ARHGEF33: variants seen among roughly 807,000 people sequenced by gnomAD.
ARHGEF33 encodes the protein Rho guanine nucleotide exchange factor 33.
A neutral mutation model predicts 101.9 loss-of-function variants in ARHGEF33; 72 were observed. The observed-to-expected ratio is 0.71, with a 90% CI of 0.58 to 0.86. The LOEUF (loss-of-function observed/expected upper bound fraction) is 0.86. Among genes scored for constraint, ARHGEF33 ranks in the 40% least tolerant of loss-of-function variants. The pLI is 0.00. For missense variants in ARHGEF33, 1,169 were observed against 1,111.3 expected (o/e 1.05, Z -0.74); for synonymous variants, 499 against 442.5 (o/e 1.13, Z -1.60).
intron 1 of ARHGEF33, 30 bp downstream of exon 1, chr2:38,890,016 G>C (rs1316738619): frequency 2.4e-6 from 1 of 423,506 alleles, no homozygotes; most frequent in Non-Finnish European, 4.9e-6. Context: ...TGCTTTAAGG[G>C]GCACTGAAAG....
Position 38,973,744 on chromosome 2 carries a change from T to A in ARHGEF33, c.2514T>A (p.Thr838=), listed in dbSNP as rs1194410086. ...GTGGATCAGAATACAGGGAAAAAAC[T>A]AATGAGAATCCCTCAATGGATCCTT... The part of the protein sequence containing the change: ...KSSGSEYREK[T]NENPSMDPSP... The change falls in exon 18 of 18, where the codon ACT becomes ACA. Residue 838 remains threonine (T), a synonymous_variant. Transcript: ENST00000409978. 6.5e-7 allele frequency: 1 copy of A among 1,544,480 alleles called. No homozygotes were observed. The highest frequency in any genetic ancestry group is 8.7e-7 in the Non-Finnish European group (1 of 1,144,040).
intron 2 of ARHGEF33, among the ~76,000 whole-genome samples, chr2:38,904,639 A>G (rs11124654): frequency 0.61 from 91,340 of 150,326 alleles, 29,633 homozygotes; most frequent in East Asian, 0.81. Context: ...CCTGGGAGGC[A>G]GAGGTGAGCA....
At chr2:38,952,484 CA>C (rs1558440693) in intron 11 of ARHGEF33, among the ~76,000 whole-genome samples, 1 of 152,112 alleles carries the variant, frequency 6.6e-6, no homozygotes, top group African/African-American at 2.4e-5. Context: ...CAGAGTCCCT[CA>C]TCTGGACGTA....
chr2:38,936,030 G>A (rs1381718480), intron 8 of ARHGEF33, among the ~76,000 whole-genome samples, 196 bp downstream of exon 8: 1 of 152,166 alleles, frequency 6.6e-6, no homozygotes, highest in Non-Finnish European at 1.5e-5. Context: ...GAGAGAGAAG[G>A]GCTAGGGAAG....
intron 13 of ARHGEF33, among the ~76,000 whole-genome samples, chr2:38,956,539 ACGTT>A (rs1335152814): frequency 3.3e-5 from 5 of 152,186 alleles, no homozygotes; most frequent in Admixed American, 6.5e-5. Flanking sequence ...TTGATGCCTG[ACGTT>A]CTCATCATTG....
In ARHGEF33 at chr2:38,931,266, T is replaced by A. The variant is rs182836957; in HGVS notation, c.505+15T>A. 1 of 1,537,154 alleles carries A rather than the reference T, an allele frequency of 6.5e-7. No homozygotes were observed. The highest frequency in any genetic ancestry group is 1.4e-5 in the African/African-American group (1 of 72,222). On this transcript the variant is annotated intron_variant, in intron 7 of 17. Transcript: ENST00000409978. ...CTACGAGAAAGGTACAGTTCACAAA[T>A]CATACTGAATTAATCAAGTATTTTT...
At position 38,957,032 on chromosome 2, in the gene ARHGEF33, G is replaced by A. The variant is rs546924585; in HGVS notation, c.1355G>A (p.Arg452Gln). The change falls in exon 14 of 18, where the codon CGG becomes CAG. Residue 452 changes from arginine (R) to glutamine (Q), a missense_variant. Arg to Gln is a conservative substitution (Grantham distance 43). Coordinates refer to ENST00000409978, the MANE Select transcript of ARHGEF33 (RefSeq NM_001145451.5). ...AATGAAGATTTGCTTATTCAGAAACGGAAAAAGCTCAAGAAGTAAGGTTCT... is the reference window on the plus strand; with the variant it reads ...AATGAAGATTTGCTTATTCAGAAACAGAAAAAGCTCAAGAAGTAAGGTTCT... The part of the protein sequence containing the change: ...QCNEDLLIQK[R>Q]KKLKKSSMAK... The A allele has an allele frequency of 8.4e-6, 13 of 1,551,822 alleles. No homozygotes were observed. The highest frequency in any genetic ancestry group is 3.3e-4 in the Middle Eastern group (2 of 5,992).
At position 38,960,552 on chromosome 2, in the gene ARHGEF33, G is replaced by GGCC. The variant is rs746974243; in HGVS notation, c.2258_2260dup (p.Ala753dup). ...AGCGCGCCGCGCAGGCGCACGGCCCGGCCGCCGCCGCCGTCGCCGCCCGCG... is the reference window on the plus strand; with the variant it reads ...AGCGCGCCGCGCAGGCGCACGGCCCGGCCGCCGCCGCCGCCGTCGCCGCCCGCG... On this transcript the variant is annotated inframe_insertion, in exon 16 of 18. Coordinates refer to ENST00000409978, the MANE Select transcript of ARHGEF33 (RefSeq NM_001145451.5). 107 of 1,273,056 alleles carry GGCC rather than the reference G, an allele frequency of 8.4e-5. No homozygotes were observed. Among genetic ancestry groups the GGCC allele is most frequent in the Admixed American group, 2.2e-4 (6 of 27,624 alleles). 78.9% of individuals were successfully genotyped at this position (1,273,056 alleles called of 1,614,324 possible). A position where few individuals can be genotyped will look rare whatever the true frequency, so the allele number is the denominator to read the frequency against.
At position 38,928,800 on chromosome 2, in the gene ARHGEF33, A is replaced by G. The variant is rs529521192; in HGVS notation, c.76-107A>G. On this transcript the variant is annotated intron_variant, in intron 4 of 17. Coordinates refer to ENST00000409978, the MANE Select transcript of ARHGEF33 (RefSeq NM_001145451.5). ...AAGTACACTAGTAAATGAGGTCTGTAGATTTTCAGGAGGCTTGTTTCTCAA... is the reference window on the plus strand; with the variant it reads ...AAGTACACTAGTAAATGAGGTCTGTGGATTTTCAGGAGGCTTGTTTCTCAA... 1.0e-4 allele frequency: 110 copies of G among 1,059,508 alleles called. No homozygotes were observed. In the East Asian group the frequency reaches 2.9e-3, roughly 28 times the overall value. 65.6% of individuals were successfully genotyped at this position (1,059,508 alleles called of 1,614,324 possible).
At chr2:38,901,542 A>C (rs971410450) in intron 2 of ARHGEF33, among the ~76,000 whole-genome samples, 1 of 152,178 alleles carries the variant, frequency 6.6e-6, no homozygotes, top group African/African-American at 2.4e-5. Flanking sequence ...GAAGACCTTT[A>C]CATCTGGACT....
chr2:38,956,963 G>A lies in ARHGEF33; in HGVS notation c.1286G>A (p.Arg429His), dbSNP rs1667783854. Residue 429 changes from arginine (R) to histidine (H), a missense_variant, in exon 14 of 18, where the codon CGC (arginine) becomes CAC (histidine). Transcript: ENST00000409978. ...TATCTACTACTGGTGTGTGTCCAGCGCCTCCGAGTATTTATCTCACACTAC... is the reference window on the plus strand; with the variant it reads ...TATCTACTACTGGTGTGTGTCCAGCACCTCCGAGTATTTATCTCACACTAC... Reference protein sequence around the residue: ...DYYLLLVCVQRLRVFISHYTL... With the variant: ...DYYLLLVCVQHLRVFISHYTL... The A allele has an allele frequency of 3.2e-6, 5 of 1,552,276 alleles. No individual in the cohort carries two copies. The highest frequency in any genetic ancestry group is 2.4e-5 in the East Asian group (1 of 40,922).
chr2:38,894,117 G>A (rs983044178), intron 1 of ARHGEF33, among the ~76,000 whole-genome samples: 8 of 152,068 alleles, frequency 5.3e-5, no homozygotes, highest in African/African-American at 1.9e-4. Flanking sequence ...CCAGGAATTC[G>A]AGACCAGCTT....
intron 16 of ARHGEF33, among the ~76,000 whole-genome samples, chr2:38,961,810 G>C (rs1312507784): frequency 1.3e-5 from 2 of 151,922 alleles, no homozygotes; most frequent in African/African-American, 4.8e-5. Context: ...GGTGGTCAGA[G>C]AAGGCCTCCT....
At position 38,931,601 on chromosome 2, in the gene ARHGEF33, A is replaced by G. The variant is rs1667005664; in HGVS notation, c.505+350A>G. On this transcript the variant is annotated intron_variant, in intron 7 of 17. Coordinates refer to ENST00000409978, the MANE Select transcript of ARHGEF33 (RefSeq NM_001145451.5). ...TAACAAGTCATTTTATTGGCAGTCT[A>G]ACTCAGCACCTGTCTTTCTCTGGAA... 2.0e-5 allele frequency among the ~76,000 whole-genome samples: 3 copies of G among 152,220 alleles called. No individual in the cohort carries two copies. In the South Asian group the frequency reaches 6.2e-4, roughly 32 times the overall value.
intron 9 of ARHGEF33, among the ~76,000 whole-genome samples, chr2:38,940,322 T>C (rs538269143): frequency 1.3e-5 from 2 of 152,184 alleles, no homozygotes; most frequent in South Asian, 4.2e-4. Context: ...GAGGTGGGGG[T>C]TTCCCTTTGT....
intron 9 of ARHGEF33, among the ~76,000 whole-genome samples, chr2:38,942,295 G>C (rs1201992630): frequency 6.6e-6 from 1 of 150,544 alleles, no homozygotes; most frequent in African/African-American, 2.4e-5. Context: ...AGCCCCCTGA[G>C]TAGCTGGACG....
In ARHGEF33 at chr2:38,929,033, A is replaced by G. The variant is rs762674906; in HGVS notation, c.202A>G (p.Lys68Glu). 1 of 1,550,996 alleles carries G rather than the reference A, an allele frequency of 6.4e-7. No individual in the cohort carries two copies. Among genetic ancestry groups the G allele is most frequent in the Non-Finnish European group, 8.7e-7 (1 of 1,146,638 alleles). The change falls in exon 5 of 18, where the codon AAA becomes GAA. Residue 68 changes from lysine (K) to glutamate (E), a missense_variant. Lys to Glu is a moderately conservative substitution (Grantham distance 56). Transcript: ENST00000409978. ...VKSCRCSMEE[K>E]VTEMKNSLNY... Reference sequence around the variant, plus strand: ...GAGCTGCAGATGTTCCATGGAAGAAAAAGTTACTGAGATGAAGAATTCATT... The same window carrying G: ...GAGCTGCAGATGTTCCATGGAAGAAGAAGTTACTGAGATGAAGAATTCATT...
chr2:38,941,777 C>T (rs892542090), intron 9 of ARHGEF33, among the ~76,000 whole-genome samples: 2 of 152,110 alleles, frequency 1.3e-5, no homozygotes, highest in South Asian at 2.1e-4. Flanking sequence ...CAATTCCTGA[C>T]CTCGTGATCC....
At chr2:38,961,977 G>C (rs567297362) in intron 16 of ARHGEF33, among the ~76,000 whole-genome samples, 1 of 152,300 alleles carries the variant, frequency 6.6e-6, no homozygotes, top group Admixed American at 6.5e-5. Flanking sequence ...GGAACAGGAA[G>C]GGGCGGGATC....
Sources: allele counts gnomAD v4.1 joint callset (sites outside exome capture counted in the v4.1 genomes callset), GRCh38; gene constraint gnomAD v4.1.1; transcripts MANE v1.5; gene names NCBI Gene and HGNC (gene_info 2026-07-23, HGNC 2026-07-21).